Variants in CHST6 observed in about 807,000 individuals in gnomAD.
The protein encoded by CHST6 is carbohydrate sulfotransferase 6.
For synonymous variants in CHST6, 309 were observed against 276.4 expected (o/e 1.12, Z -1.17); for missense variants, 698 against 586.2 (o/e 1.19, Z -1.97).
chr16:75,488,871 G>A (rs1004327593), intron 1 of CHST6, among the ~76,000 whole-genome samples: 2 of 150,974 alleles, frequency 1.3e-5, no homozygotes, highest in African/African-American at 4.9e-5. Context: ...TGGGCAACAA[G>A]AGTGAAACTT....
intron 1 of CHST6, among the ~76,000 whole-genome samples, chr16:75,488,712 G>A (rs1439159024): frequency 2.0e-5 from 3 of 151,878 alleles, no homozygotes; most frequent in East Asian, 3.9e-4. Context: ...GGCCAGGTGC[G>A]GTGGCTCATG....
rs936537001 is a variant in CHST6, at chr16:75,478,846, T to C, written c.983A>G (p.Asn328Ser). The change falls in exon 3 of 3, where the codon AAC (asparagine) becomes AGC (serine). Residue 328 changes from asparagine to serine, a missense_variant. Asn to Ser is a conservative substitution (Grantham distance 46, BLOSUM62 1). Transcript: ENST00000332272. The stretch of plus-strand genomic sequence containing the variant: ...CGCATGGCGCCAGGCCTGGGAGACG[T>C]TGAGCGCATTCCTGGACGAAGTCTT... ...AFKTSSRNAL[N>S]VSQAWRHALP... is the part of the protein sequence containing the mutation. 15 of 1,613,366 alleles carry C rather than the reference T, an allele frequency of 9.3e-6. No individual in the cohort carries two copies. The African/African-American group carries it at 1.5e-4, about 16-fold the overall frequency.
At chr16:75,492,024 G>A (rs2080262180) in intron 1 of CHST6, among the ~76,000 whole-genome samples, 1 of 152,230 alleles carries the variant, frequency 6.6e-6, no homozygotes, top group African/African-American at 2.4e-5. Context: ...GCCAGTCCTG[G>A]TGATGCAGCT....
At chr16:75,484,766 C>T (rs1298406374) in intron 1 of CHST6, among the ~76,000 whole-genome samples, 1 of 151,824 alleles carries the variant, frequency 6.6e-6, no homozygotes, top group African/African-American at 2.4e-5. Context: ...ATCATTTGAA[C>T]CCGGGAGATG....
chr16:75,494,468 G>A (rs79340381), intron 1 of CHST6, among the ~76,000 whole-genome samples: 10 of 152,136 alleles, frequency 6.6e-5, no homozygotes, highest in Non-Finnish European at 1.2e-4. Flanking sequence ...GTGAAAAAGG[G>A]AGGAGAAAGG....
At position 75,479,756 on chromosome 16, in the gene CHST6, GA is replaced by G; in HGVS notation, c.72del (p.Leu25TrpfsTer45). On this transcript the variant is annotated frameshift_variant, in exon 3 of 3. Coordinates refer to ENST00000332272, the MANE Select transcript of CHST6 (RefSeq NM_021615.5). LOFTEE classifies it low-confidence loss of function (END_TRUNC). ...LLLAQTFLLL[F>X]LVSRPGPSSP... ...GACGAGGGCCCTGGCCGGGAAACCA[GA>G]AAGAGGAGGAGGAAGGTCTGCGCCA... 1 of 1,601,214 alleles carries G rather than the reference GA, an allele frequency of 6.2e-7. No individual in the cohort carries two copies. Among genetic ancestry groups the G allele is most frequent in the Non-Finnish European group, 8.5e-7 (1 of 1,174,488 alleles).
At chr16:75,494,547 G>A (rs1032738758) in intron 1 of CHST6, among the ~76,000 whole-genome samples, 3 of 152,188 alleles carry the variant, frequency 2.0e-5, no homozygotes, top group African/African-American at 7.2e-5. Context: ...AGATGAAGCC[G>A]TCAGAAGCAG....
chr16:75,479,792 C>A lies in CHST6; in HGVS notation c.37G>T (p.Ala13Ser), dbSNP rs771760819. The change falls in exon 3 of 3, where the codon GCG becomes TCG. Residue 13 changes from alanine (A) to serine (S), a missense_variant. Ala to Ser is a moderately conservative substitution (Grantham distance 99, BLOSUM62 1). Coordinates refer to ENST00000332272, the MANE Select transcript of CHST6 (RefSeq NM_021615.5). ...LPRVSSTAVTALLLAQTFLLL... is the reference protein window; with the variant it reads ...LPRVSSTAVTSLLLAQTFLLL... Reference sequence around the variant, plus strand: ...AGGAAGGTCTGCGCCAGGAGGAGCGCGGTCACTGCTGTGCTGGAGACGCGC... The same window carrying A: ...AGGAAGGTCTGCGCCAGGAGGAGCGAGGTCACTGCTGTGCTGGAGACGCGC... The A allele has an allele frequency of 1.2e-4, 190 of 1,581,080 alleles. No individual in the cohort carries two copies. The highest frequency in any genetic ancestry group is 1.5e-4 in the Non-Finnish European group (178 of 1,165,196).
chr16:75,491,202 T>A (rs1242774452), intron 1 of CHST6, among the ~76,000 whole-genome samples: 6 of 120,536 alleles, frequency 5.0e-5, no homozygotes, highest in South Asian at 2.8e-4. Context: ...TATATATATA[T>A]ATATATATAT....
At chr16:75,491,328 G>A (rs972865267) in intron 1 of CHST6, among the ~76,000 whole-genome samples, 2 of 149,744 alleles carry the variant, frequency 1.3e-5, no homozygotes, top group African/African-American at 2.5e-5. Flanking sequence ...GCACACTGAA[G>A]TTTGGTGTTT....
rs185053 is a variant in CHST6 at position 75,476,314 on chromosome 16, G to A, written c.*2327C>T. On this transcript the variant is annotated 3_prime_UTR_variant, in exon 3 of 3. Transcript: ENST00000332272. The stretch of plus-strand genomic sequence containing the variant: ...TGCCTGTAATCTCAGCACTTTGGGA[G>A]GCTGAGGTGGGCAGATCACTTGAGG... 0.2 allele frequency: 29,990 copies of A among 151,382 alleles called. 3,169 individuals are homozygous for A. Among genetic ancestry groups the A allele is most frequent in the East Asian group, 0.37 (1,829 of 4,980 alleles). The allele number at this position is 151,382 out of a possible 1,614,324, so 9.4% of individuals were successfully genotyped here. A position where few individuals can be genotyped will look rare whatever the true frequency, so the allele number is the denominator to read the frequency against.
chr16:75,493,854 G>C (rs925499006), intron 1 of CHST6, among the ~76,000 whole-genome samples: 5 of 152,062 alleles, frequency 3.3e-5, no homozygotes, highest in African/African-American at 1.2e-4. Flanking sequence ...GGCCTGGCTT[G>C]TGTTTTTTCT....
chr16:75,491,405 T>A (rs2080255970), intron 1 of CHST6, among the ~76,000 whole-genome samples: 2 of 151,876 alleles, frequency 1.3e-5, no homozygotes, highest in South Asian at 4.1e-4. Context: ...AGTCTTGCTC[T>A]GTCGCCTAGG....
chr16:75,494,917 C>G (rs1352499599), intron 1 of CHST6, 23 bp downstream of exon 1: 1 of 152,480 alleles, frequency 6.6e-6, no homozygotes, highest in East Asian at 1.9e-4. Context: ...ACATCCCCCG[C>G]GGAGAATGAA....
At chr16:75,492,582 C>G (rs1334113513) in intron 1 of CHST6, among the ~76,000 whole-genome samples, 1 of 152,228 alleles carries the variant, frequency 6.6e-6, no homozygotes, top group Non-Finnish European at 1.5e-5. Context: ...GGCGCGGTGG[C>G]TCACGCCTGT....
chr16:75,475,038 C>T lies in CHST6; in HGVS notation c.*3603G>A, dbSNP rs915277786. On this transcript the variant is annotated 3_prime_UTR_variant, in exon 3 of 3. Coordinates refer to ENST00000332272, the MANE Select transcript of CHST6 (RefSeq NM_021615.5). The stretch of plus-strand genomic sequence containing the variant: ...CTCAAACTCCTGACCTCAAGTAATC[C>T]GCACACCTCAACCTCCCAAAATGCT... The T allele has an allele frequency of 2.0e-5, 4 of 195,460 alleles. No homozygotes were observed. The highest frequency in any genetic ancestry group is 4.1e-5 in the Non-Finnish European group (4 of 96,408). 12.1% of individuals were successfully genotyped at this position (195,460 alleles called of 1,614,324 possible).
Position 75,475,936 on chromosome 16 carries a change from C to A in CHST6, c.*2705G>T, listed in dbSNP as rs2080061628. 6.6e-6 allele frequency: 1 copy of A among 152,188 alleles called. No homozygotes were observed. Among genetic ancestry groups the A allele is most frequent in the Non-Finnish European group, 1.5e-5 (1 of 68,042 alleles). 9.4% of individuals were successfully genotyped at this position (152,188 alleles called of 1,614,324 possible). On this transcript the variant is annotated 3_prime_UTR_variant, in exon 3 of 3. Transcript: ENST00000332272. ...TCTCGGCTCACTGCACTGTCCGCCT[C>A]CTGGATTCAAGGGATTCTCCTGCCT...
intron 1 of CHST6, among the ~76,000 whole-genome samples, chr16:75,485,111 A>C (rs1403527998): frequency 1.3e-5 from 2 of 152,100 alleles, no homozygotes; most frequent in African/African-American, 4.8e-5. Flanking sequence ...AAATGATCAT[A>C]TTTTTTCAGG....
chr16:75,488,780 G>A (rs558775467), intron 1 of CHST6, among the ~76,000 whole-genome samples: 10 of 150,310 alleles, frequency 6.7e-5, no homozygotes, highest in African/African-American at 2.2e-4. Context: ...GGTCTGTAAT[G>A]GGAGGCTGAG....
Sources: allele counts gnomAD v4.1 joint callset (sites outside exome capture counted in the v4.1 genomes callset), GRCh38; gene constraint gnomAD v4.1.1; transcripts MANE v1.5; gene names NCBI Gene and HGNC (gene_info 2026-07-23, HGNC 2026-07-21).